The following CACNB2 variants were observed in gnomAD, a reference collection of about 807,000 sequenced individuals.
CACNB2 encodes voltage-dependent L-type calcium channel subunit beta-2.
In CACNB2, 42 loss-of-function variants were observed where a neutral mutation model predicts 73.3. That is an observed-to-expected ratio of 0.57 (90% CI 0.45 to 0.74). The LOEUF is 0.74. CACNB2 is among the 30% of genes least tolerant of loss of function. The probability of loss-of-function intolerance (pLI) is 0.00; values close to 1 mark genes in which losing one functional copy is unlikely to be tolerated. For missense variants in CACNB2, 940 were observed against 853.0 expected (o/e 1.10, Z -1.27); for synonymous variants, 348 against 310.3 (o/e 1.12, Z -1.28).
At chr10:18,159,061 C>T (rs561777185) in intron 2 of CACNB2, among the ~76,000 whole-genome samples, 79 of 152,050 alleles carry the variant, frequency 5.2e-4, no homozygotes, top group African/African-American at 1.7e-3. Flanking sequence ...TCTTCTTTTT[C>T]TTTTTTGAAA....
At chr10:18,254,443 A>G (rs1406646772) in intron 2 of CACNB2, among the ~76,000 whole-genome samples, 1 of 152,072 alleles carries the variant, frequency 6.6e-6, no homozygotes, top group Non-Finnish European at 1.5e-5. Context: ...GCTTTTAGTT[A>G]TCTTATTTAC....
intron 2 of CACNB2, among the ~76,000 whole-genome samples, chr10:18,283,758 T>G (rs528114637): frequency 3.3e-5 from 5 of 152,190 alleles, no homozygotes; most frequent in African/African-American, 1.2e-4. Flanking sequence ...ACATGGCATA[T>G]GTATACATAT....
chr10:18,540,931 G>T lies in CACNB2; in HGVS notation c.*1207G>T, dbSNP rs530131224. 1 of 152,748 alleles carries T rather than the reference G, an allele frequency of 6.5e-6. No homozygotes were observed. Among genetic ancestry groups the T allele is most frequent in the South Asian group, 2.1e-4 (1 of 4,824 alleles). 9.5% of individuals were successfully genotyped at this position (152,748 alleles called of 1,614,324 possible). ...CTTGCTGCCAAAGGTAACTAGGAAA[G>T]CATTCATCTGCTGCCTCCTTGTTTT... On this transcript the variant is annotated 3_prime_UTR_variant, in exon 14 of 14. Transcript: ENST00000324631.
chr10:18,201,139 A>G (rs1266132923), intron 2 of CACNB2, among the ~76,000 whole-genome samples: 1 of 152,176 alleles, frequency 6.6e-6, no homozygotes, highest in African/African-American at 2.4e-5. Flanking sequence ...TCTATGCATT[A>G]CTATTTTATT....
chr10:18,495,773 T>C (rs982828801), intron 3 of CACNB2, among the ~76,000 whole-genome samples: 4 of 152,042 alleles, frequency 2.6e-5, no homozygotes, highest in African/African-American at 4.8e-5. Context: ...TTGGATGAAA[T>C]GCAATATGTT....
At chr10:18,451,344 G>A (rs2047012336) in intron 3 of CACNB2, among the ~76,000 whole-genome samples, 1 of 152,144 alleles carries the variant, frequency 6.6e-6, no homozygotes, top group Non-Finnish European at 1.5e-5. Context: ...TGTGTCTCGG[G>A]TTCCTGGACC....
At chr10:18,482,595 C>G (rs1050568039) in intron 3 of CACNB2, among the ~76,000 whole-genome samples, 2 of 152,122 alleles carry the variant, frequency 1.3e-5, no homozygotes, top group Non-Finnish European at 2.9e-5. Context: ...ACTGCAACCT[C>G]CACCTCCCGG....
chr10:18,209,417 A>G (rs73595532), intron 2 of CACNB2, among the ~76,000 whole-genome samples: 11,244 of 152,266 alleles, frequency 0.074, 689 homozygotes, highest in African/African-American at 0.16. Context: ...CTTTTGCAGC[A>G]GGAAATAGAA....
intron 2 of CACNB2, among the ~76,000 whole-genome samples, chr10:18,317,116 C>T (rs2040218721): frequency 6.6e-6 from 1 of 152,054 alleles, no homozygotes. Context: ...ACCCCCTGCC[C>T]CCCACACAGA....
chr10:18,356,961 T>TTTTTTTTTTA (rs2041943658), intron 2 of CACNB2, among the ~76,000 whole-genome samples: 1 of 142,384 alleles, frequency 7.0e-6, no homozygotes, highest in Admixed American at 7.1e-5. Context: ...TTTTTTTTTT[T>TTTTTTTTTTA]TGAGACGGAG....
At chr10:18,201,934 A>G (rs903663008) in intron 2 of CACNB2, among the ~76,000 whole-genome samples, 9 of 152,206 alleles carry the variant, frequency 5.9e-5, no homozygotes, top group African/African-American at 1.9e-4. Flanking sequence ...CCTGTTCTCT[A>G]CCTTCTCATC....
At position 18,269,976 on chromosome 10, in the gene CACNB2, G is replaced by C. The variant is rs573372803; in HGVS notation, c.213+119001G>C. 2.6e-5 allele frequency among the ~76,000 whole-genome samples: 4 copies of C among 152,262 alleles called. No homozygotes were observed. In the East Asian group the frequency reaches 7.7e-4, roughly 29 times the overall value. Reference sequence around the variant, plus strand: ...TTCCACCTATCTCCATCCTAGTGCAGGCTGTTATTTTCTTCCCCAGTTACC... The same window carrying C: ...TTCCACCTATCTCCATCCTAGTGCACGCTGTTATTTTCTTCCCCAGTTACC... On this transcript the variant is annotated intron_variant, in intron 2 of 13. Coordinates refer to ENST00000324631, the MANE Select transcript of CACNB2 (RefSeq NM_201596.3).
At chr10:18,387,553 A>C (rs549273581) in intron 2 of CACNB2, among the ~76,000 whole-genome samples, 1 of 152,292 alleles carries the variant, frequency 6.6e-6, no homozygotes, top group African/African-American at 2.4e-5. Flanking sequence ...TGAGTTGTGC[A>C]TCATTTCCAA....
chr10:18,242,024 A>G (rs999171205), intron 2 of CACNB2, among the ~76,000 whole-genome samples: 6 of 152,170 alleles, frequency 3.9e-5, no homozygotes, highest in Admixed American at 6.5e-5. Context: ...TTCAAATTCT[A>G]GTACATAGTC....
At chr10:18,533,814 TA>T (rs2053297636) in intron 10 of CACNB2, among the ~76,000 whole-genome samples, 1 of 152,214 alleles carries the variant, frequency 6.6e-6, no homozygotes, top group African/African-American at 2.4e-5. Context: ...AGCAGAGAGC[TA>T]AAAATTTCCA....
At chr10:18,240,754 C>T (rs1453229637) in intron 2 of CACNB2, among the ~76,000 whole-genome samples, 1 of 152,108 alleles carries the variant, frequency 6.6e-6, no homozygotes, top group Admixed American at 6.6e-5. Context: ...CCTTTGGTCT[C>T]ATCATTAAGA....
chr10:18,271,003 G>A (rs574081453), intron 2 of CACNB2, among the ~76,000 whole-genome samples: 1 of 152,220 alleles, frequency 6.6e-6, no homozygotes, highest in Admixed American at 6.5e-5. Flanking sequence ...TGGGGGTAAT[G>A]CTCTCAGTCA....
At chr10:18,380,972 G>A (rs758254352) in intron 2 of CACNB2, among the ~76,000 whole-genome samples, 2 of 151,942 alleles carry the variant, frequency 1.3e-5, no homozygotes, top group African/African-American at 2.4e-5. Context: ...GCGGAAATCT[G>A]TAATGCCCTT....
intron 11 of CACNB2, among the ~76,000 whole-genome samples, chr10:18,535,778 T>A (rs1052654177): frequency 1.2e-4 from 18 of 150,168 alleles, no homozygotes; most frequent in Middle Eastern, 3.5e-3. Flanking sequence ...ATCTCAAAAA[T>A]ATATATATAT....
Sources: allele counts gnomAD v4.1 joint callset (sites outside exome capture counted in the v4.1 genomes callset), GRCh38; gene constraint gnomAD v4.1.1; transcripts MANE v1.5; gene names NCBI Gene and HGNC (gene_info 2026-07-23, HGNC 2026-07-21).